STON1: variants seen among roughly 807,000 people sequenced by gnomAD.
STON1 encodes stonin-1.
A neutral mutation model predicts 60.9 loss-of-function variants in STON1; 79 were observed. The observed-to-expected ratio is 1.30, with a 90% CI of 1.08 to 1.56. STON1 has a LOEUF of 1.56. STON1 is among the 40% of genes most tolerant of loss of function. The pLI is 0.00. For missense variants in STON1, 1,166 were observed against 858.9 expected, an observed-to-expected ratio of 1.36 and a Z score of -4.47; for synonymous variants, 363 against 306.9, an observed-to-expected ratio of 1.18 and a Z score of -1.91.
At chr2:48,585,639 G>T (rs1450676897) in intron 2 of STON1, among the ~76,000 whole-genome samples, 1 of 152,206 alleles carries the variant, frequency 6.6e-6, no homozygotes, top group Non-Finnish European at 1.5e-5. Flanking sequence ...TTCATACAAG[G>T]TTCCAAATGG....
Position 48,582,542 on chromosome 2 carries a change from C to T in STON1, c.1909C>T (p.Arg637Trp), listed in dbSNP as rs764099758. 32 of 1,607,252 alleles carry T rather than the reference C, an allele frequency of 2.0e-5. No homozygotes were observed. The highest frequency in any genetic ancestry group is 3.4e-5 in the Admixed American group (2 of 58,578). ...AYQAVVWKIDRLPDKNSSLDH... is the reference protein window; with the variant it reads ...AYQAVVWKIDWLPDKNSSLDH... Reference sequence around the variant, plus strand: ...CCAGGCAGTGGTATGGAAGATAGATCGGCTTCCAGACAAAAATTCAAGTAA... The same window carrying T: ...CCAGGCAGTGGTATGGAAGATAGATTGGCTTCCAGACAAAAATTCAAGTAA... The change falls in exon 2 of 4, where the codon CGG (arginine) becomes TGG (tryptophan). Residue 637 changes from arginine to tryptophan, a missense_variant. Transcript: ENST00000404752.
At chr2:48,555,490 G>A (rs1242497730) in intron 1 of STON1, among the ~76,000 whole-genome samples, 2 of 94,152 alleles carry the variant, frequency 2.1e-5, no homozygotes, top group African/African-American at 4.2e-5. Context: ...GCGGCTGGCC[G>A]GGTGGGGGGC....
Position 48,591,700 on chromosome 2 carries a change from G to A in STON1, c.1978G>A (p.Asp660Asn), listed in dbSNP as rs371015402. Residue 660 changes from aspartate (D) to asparagine (N), a missense_variant, in exon 3 of 4, where the codon GAC (aspartate) becomes AAC (asparagine). Coordinates refer to ENST00000404752, the MANE Select transcript of STON1 (RefSeq NM_006873.4). ...GTCATACAAATTAGAGCTTGGATCA[G>A]ACCAAGAAATTCCCTCTGATTGGTA... ...CLSYKLELGSDQEIPSDWYPF... is the reference protein window; with the variant it reads ...CLSYKLELGSNQEIPSDWYPF... 1.9e-6 allele frequency: 3 copies of A among 1,614,072 alleles called. No individual in the cohort carries two copies. The highest frequency in any genetic ancestry group is 1.1e-5 in the South Asian group (1 of 91,068).
Position 48,581,438 on chromosome 2 carries a change from AG to A in STON1, c.807del (p.Ser270ValfsTer11). 1 of 1,614,162 alleles carries A rather than the reference AG, an allele frequency of 6.2e-7. No homozygotes were observed. Among genetic ancestry groups the A allele is most frequent in the Non-Finnish European group, 8.5e-7 (1 of 1,179,992 alleles). On this transcript the variant is annotated frameshift_variant, in exon 2 of 4. Transcript: ENST00000404752. LOFTEE classifies it high-confidence loss of function. ...ASSFVPHTLF[R>X]SQPKSGWSFM... Reference sequence around the variant, plus strand: ...TTCCTTTGTCCCCCACACACTCTTCAGGAGTCAGCCAAAATCCGGATGGTCT... The same window carrying A: ...TTCCTTTGTCCCCCACACACTCTTCAGAGTCAGCCAAAATCCGGATGGTCT...
chr2:48,582,259 A>C lies in STON1; in HGVS notation c.1626A>C (p.Glu542Asp), dbSNP rs896768121. 3.1e-6 allele frequency: 5 copies of C among 1,614,162 alleles called. No individual in the cohort carries two copies. The highest frequency in any genetic ancestry group is 4.2e-6 in the Non-Finnish European group (5 of 1,180,022). ...TGGTTGTCCAGGGAGCATACGTGGA[A>C]CTTCAGGCTTTTGTCAACATGGCCT... ...SVVVVQGAYV[E>D]LQAFVNMASL... The change falls in exon 2 of 4, where the codon GAA (glutamate) becomes GAC (aspartate). Residue 542 changes from glutamate to aspartate, a missense_variant. Physicochemically the swap from Glu to Asp is conservative, Grantham distance 45. Coordinates refer to ENST00000404752, the MANE Select transcript of STON1 (RefSeq NM_006873.4).
chr2:48,573,769 C>G (rs1409151582), intron 1 of STON1, among the ~76,000 whole-genome samples: 1 of 152,148 alleles, frequency 6.6e-6, no homozygotes, highest in Admixed American at 6.5e-5. Context: ...TGGAAACAAA[C>G]CAAATGTCTA....
chr2:48,564,572 TCTC>T (rs1294259071), intron 1 of STON1, among the ~76,000 whole-genome samples: 1 of 54,030 alleles, frequency 1.9e-5, no homozygotes, highest in Non-Finnish European at 3.6e-5. Context: ...TTCTTCTCCT[TCTC>T]CTTCTCCTCC....
At chr2:48,582,637 A>G (rs906817230) in intron 2 of STON1, 74 bp downstream of exon 2, 30 of 1,537,162 alleles carry the variant, frequency 2.0e-5, no homozygotes, top group Non-Finnish European at 2.4e-5. Context: ...CTTGGGTTGA[A>G]ACCAGGTAGA....
intron 1 of STON1, among the ~76,000 whole-genome samples, chr2:48,570,884 A>G (rs1572961383): frequency 8.3e-6 from 1 of 120,822 alleles, no homozygotes; most frequent in East Asian, 2.4e-4. Context: ...CTTTCCCCAG[A>G]CAGAGTCTTG....
chr2:48,594,163 C>T (rs1364855498), intron 3 of STON1, among the ~76,000 whole-genome samples: 1 of 152,140 alleles, frequency 6.6e-6, no homozygotes, highest in Non-Finnish European at 1.5e-5. Flanking sequence ...CAACGGCACT[C>T]TCCAGTAAAC....
At chr2:48,567,981 C>T (rs921565881) in intron 1 of STON1, among the ~76,000 whole-genome samples, 4 of 143,372 alleles carry the variant, frequency 2.8e-5, no homozygotes, top group Admixed American at 2.4e-4. Context: ...TGGAACCGCA[C>T]AGACACACTG....
At chr2:48,565,061 T>A (rs866652722) in intron 1 of STON1, among the ~76,000 whole-genome samples, 1 of 144,236 alleles carries the variant, frequency 6.9e-6, no homozygotes, top group Non-Finnish European at 1.5e-5. Flanking sequence ...TTTTTTTTTT[T>A]TTTTTTTATA....
At position 48,595,213 on chromosome 2, in the gene STON1, G is replaced by C. The variant is rs1414324009; in HGVS notation, c.2134-15G>C. 5 of 1,607,886 alleles carry C rather than the reference G, an allele frequency of 3.1e-6. No individual in the cohort carries two copies. Among genetic ancestry groups the C allele is most frequent in the Non-Finnish European group, 4.3e-6 (5 of 1,174,498 alleles). Reference sequence around the variant, plus strand: ...CATTTGTTAATGCTGCCTGTGTTTTGCTTTTGCATAACAGGTTGAAATAGA... The same window carrying C: ...CATTTGTTAATGCTGCCTGTGTTTTCCTTTTGCATAACAGGTTGAAATAGA... On this transcript the variant is annotated splice_polypyrimidine_tract_variant and intron_variant, in intron 3 of 3. Transcript: ENST00000404752.
chr2:48,564,733 C>CTTTTTTT (rs776637856), intron 1 of STON1, among the ~76,000 whole-genome samples: 10 of 100,906 alleles, frequency 9.9e-5, no homozygotes, highest in South Asian at 3.2e-4. Flanking sequence ...TTCTTTCTTT[C>CTTTTTTT]TTTTTTTTTT....
intron 2 of STON1, among the ~76,000 whole-genome samples, chr2:48,584,325 G>T (rs944464618): frequency 1.3e-5 from 2 of 151,760 alleles, no homozygotes; most frequent in African/African-American, 2.4e-5. Context: ...TCAGGCTGGA[G>T]TGCAGTGCGA....
intron 1 of STON1, among the ~76,000 whole-genome samples, chr2:48,540,861 T>A (rs949447931): frequency 1.3e-5 from 2 of 152,084 alleles, no homozygotes; most frequent in African/African-American, 4.8e-5. Context: ...GTCTGTTGCT[T>A]GGTGTATTTG....
At position 48,581,929 on chromosome 2, in the gene STON1, A is replaced by G. The variant is rs1043913711; in HGVS notation, c.1296A>G (p.Lys432=). Residue 432 remains lysine, a synonymous_variant, in exon 2 of 4, where the codon AAA becomes AAG. Transcript: ENST00000404752. ...GGGGTAAAGTCACAAAAGAAGGAAA[A>G]TTTGTTGAAAGTGCTGTGATAACTC... ...NFWGKVTKEG[K]FVESAVITQI... 1.7e-5 allele frequency: 27 copies of G among 1,613,962 alleles called. No homozygotes were observed. Among genetic ancestry groups the G allele is most frequent in the Non-Finnish European group, 2.3e-5 (27 of 1,180,026 alleles).
At chr2:48,568,107 G>T (rs1452745227) in intron 1 of STON1, among the ~76,000 whole-genome samples, 1 of 152,186 alleles carries the variant, frequency 6.6e-6, no homozygotes, top group African/African-American at 2.4e-5. Context: ...CCTGAGGCTT[G>T]AGTAGGAATT....
At chr2:48,576,217 G>C (rs1432482398) in intron 1 of STON1, among the ~76,000 whole-genome samples, 1 of 82,610 alleles carries the variant, frequency 1.2e-5, no homozygotes, top group Non-Finnish European at 2.2e-5. Context: ...TTTTGAGACA[G>C]AGTCTCACTG....
Sources: allele counts gnomAD v4.1 joint callset (sites outside exome capture counted in the v4.1 genomes callset), GRCh38; gene constraint gnomAD v4.1.1; transcripts MANE v1.5; gene names NCBI Gene and HGNC (gene_info 2026-07-23, HGNC 2026-07-21).